RFC1: variants seen among roughly 807,000 people sequenced by gnomAD.
RFC1 encodes the protein A1 140 kDa subunit.
A neutral mutation model predicts 137.4 loss-of-function variants in RFC1; 37 were observed. The ratio of observed to expected loss-of-function variants is 0.27; its 90% CI spans 0.21 to 0.35. RFC1 has a LOEUF of 0.35. Ranked by LOEUF, RFC1 falls within the 10% of genes least tolerant of loss-of-function variation. RFC1 has a pLI of 1.00. For missense variants in RFC1, 1,205 were observed against 1,358.5 expected (o/e 0.89, Z 1.78); for synonymous variants, 429 against 455.7 (o/e 0.94, Z 0.75).
intron 1 of RFC1, among the ~76,000 whole-genome samples, chr4:39,354,568 A>G (rs1741363236): frequency 6.6e-6 from 1 of 152,110 alleles, no homozygotes; most frequent in Non-Finnish European, 1.5e-5. Context: ...GCCAGAAACC[A>G]TCCCTAAAGA....
chr4:39,292,928 A>G (rs1737769191), intron 22 of RFC1, among the ~76,000 whole-genome samples: 1 of 152,138 alleles, frequency 6.6e-6, no homozygotes, highest in Admixed American at 6.6e-5. Context: ...TACAGACGTG[A>G]GCCACCGCAC....
chr4:39,333,083 A>C (rs1385864989), intron 4 of RFC1, among the ~76,000 whole-genome samples: 1 of 152,228 alleles, frequency 6.6e-6, no homozygotes, highest in Non-Finnish European at 1.5e-5. Flanking sequence ...TAGAAAACTA[A>C]AATTCTAACC....
Position 39,289,870 on chromosome 4 carries a change from AT to A in RFC1, c.3337del (p.Ile1113Ter). On this transcript the variant is annotated frameshift_variant, in exon 24 of 25. Transcript: ENST00000349703. LOFTEE classifies it high-confidence loss of function. ...SQSDEKDQDA[I>X]ETDAMIKKKT... is the part of the protein sequence containing the mutation. ...TACCTTGATCATGGCATCAGTTTCTATAGCATCTTGGTCTTTCTCATCAGAT... is the reference window on the plus strand; with the variant it reads ...TACCTTGATCATGGCATCAGTTTCTAAGCATCTTGGTCTTTCTCATCAGAT... 1 of 1,612,412 alleles carries A rather than the reference AT, an allele frequency of 6.2e-7. No homozygotes were observed.
At position 39,366,263 on chromosome 4, in the gene RFC1, C is replaced by A; in HGVS notation, c.-22G>T. On this transcript the variant is annotated 5_prime_UTR_variant, in exon 1 of 25. Coordinates refer to ENST00000349703, the MANE Select transcript of RFC1 (RefSeq NM_002913.5). ...CCATCGCAGCCCCAGGATGAAGGCGCTGGCTGGCTGGCGGGTGGGCCGGTT... is the reference window on the plus strand; with the variant it reads ...CCATCGCAGCCCCAGGATGAAGGCGATGGCTGGCTGGCGGGTGGGCCGGTT... The A allele has an allele frequency of 6.5e-7, 1 of 1,533,228 alleles. No homozygotes were observed. Among genetic ancestry groups the A allele is most frequent in the Non-Finnish European group, 8.8e-7 (1 of 1,139,248 alleles). The allele number at this position is 1,533,228 out of a possible 1,614,324, so 95.0% of individuals were successfully genotyped here.
intron 21 of RFC1, among the ~76,000 whole-genome samples, chr4:39,296,185 A>G (rs772174081): frequency 6.6e-6 from 1 of 152,110 alleles, no homozygotes; most frequent in Admixed American, 6.6e-5. Context: ...ATTTGAGAAA[A>G]GTTTTTTAAA....
At chr4:39,326,497 C>A in intron 6 of RFC1, 66 bp downstream of exon 6, 1 of 1,321,110 alleles carries the variant, frequency 7.6e-7, no homozygotes, top group Non-Finnish European at 1.1e-6. Context: ...CAATTCAAAA[C>A]CTGGCTGGAC....
rs991205964 is a variant in RFC1 at position 39,293,052 on chromosome 4, C to G, written c.2955-1200G>C. 2.6e-5 allele frequency among the ~76,000 whole-genome samples: 4 copies of G among 152,150 alleles called. No individual in the cohort carries two copies. In the East Asian group the frequency reaches 7.7e-4, roughly 29 times the overall value. On this transcript the variant is annotated intron_variant, in intron 22 of 24. Transcript: ENST00000349703. Reference sequence around the variant, plus strand: ...GGGTCCTGCTCCTGCCTTCAAGGAACTGAATGTGTGAACCATAAGAAGCCA... The same window carrying G: ...GGGTCCTGCTCCTGCCTTCAAGGAAGTGAATGTGTGAACCATAAGAAGCCA...
At chr4:39,336,622 G>A (rs1740366653) in intron 4 of RFC1, among the ~76,000 whole-genome samples, 1 of 152,244 alleles carries the variant, frequency 6.6e-6, no homozygotes, top group Admixed American at 6.5e-5. Context: ...TGCATTGCGG[G>A]ATGCTTAGTG....
At chr4:39,309,067 T>C in intron 12 of RFC1, 35 bp from the exon 13 acceptor site, 1 of 1,552,568 alleles carries the variant, frequency 6.4e-7, no homozygotes, top group South Asian at 1.3e-5. Flanking sequence ...AAAAGAAACC[T>C]GATGAAACAT....
intron 21 of RFC1, among the ~76,000 whole-genome samples, chr4:39,299,569 C>T (rs1738230104): frequency 1.4e-5 from 2 of 142,230 alleles, no homozygotes; most frequent in African/African-American, 2.7e-5. Flanking sequence ...GCCAAGATCA[C>T]GCCACGGCAC....
intron 21 of RFC1, chr4:39,297,820 G>C (rs1738104581): frequency 6.6e-6 from 1 of 152,088 alleles, no homozygotes; most frequent in African/African-American, 2.4e-5. Flanking sequence ...TTTGCAAATA[G>C]TTTTAAAGGC....
In RFC1 at chr4:39,351,481, A is replaced by G; in HGVS notation, c.4-5T>C. On this transcript the variant is annotated splice_region_variant and splice_polypyrimidine_tract_variant and intron_variant, in intron 1 of 24. Coordinates refer to ENST00000349703, the MANE Select transcript of RFC1 (RefSeq NM_002913.5). ...TCCAAAGAATTTCCGAATGTCCTAA[A>G]AGCAAAAAACAGGAGATTCACGAAT... 9.7e-6 allele frequency: 15 copies of G among 1,540,684 alleles called. No homozygotes were observed. The highest frequency in any genetic ancestry group is 1.3e-5 in the Non-Finnish European group (15 of 1,148,612).
intron 19 of RFC1, 49 bp downstream of exon 19, chr4:39,302,229 G>C (rs578063621): frequency 8.8e-7 from 1 of 1,135,052 alleles, no homozygotes; most frequent in East Asian, 2.3e-5. Context: ...TACAGAACAA[G>C]AAGTGTTTTG....
intron 2 of RFC1, among the ~76,000 whole-genome samples, chr4:39,350,301 A>G (rs1741122936): frequency 6.6e-6 from 1 of 152,140 alleles, no homozygotes; most frequent in African/African-American, 2.4e-5. Flanking sequence ...CAAGAAGAGA[A>G]GAGAGAGAAT....
At chr4:39,356,462 T>C (rs1370858847) in intron 1 of RFC1, among the ~76,000 whole-genome samples, 1 of 152,200 alleles carries the variant, frequency 6.6e-6, no homozygotes, top group African/African-American at 2.4e-5. Context: ...CCTTCACAAC[T>C]GCACTCAGAA....
chr4:39,331,725 T>A (rs1380329897), intron 4 of RFC1, among the ~76,000 whole-genome samples: 1 of 152,248 alleles, frequency 6.6e-6, no homozygotes, highest in East Asian at 1.9e-4. Context: ...CATAACAGTA[T>A]GTTTAATGAC....
intron 12 of RFC1, among the ~76,000 whole-genome samples, chr4:39,311,118 G>C (rs1244134670): frequency 6.6e-6 from 1 of 152,230 alleles, no homozygotes; most frequent in East Asian, 1.9e-4. Context: ...TCCGACCTGA[G>C]GGACAGAGCT....
At chr4:39,365,657 C>T (rs1174793746) in intron 1 of RFC1, among the ~76,000 whole-genome samples, 2 of 152,110 alleles carry the variant, frequency 1.3e-5, no homozygotes, top group Non-Finnish European at 2.9e-5. Context: ...GCCATGTTAT[C>T]CTTTTGACTC....
intron 1 of RFC1, among the ~76,000 whole-genome samples, chr4:39,361,563 T>C (rs1371245122): frequency 6.6e-6 from 1 of 152,084 alleles, no homozygotes; most frequent in Non-Finnish European, 1.5e-5. Flanking sequence ...GGCAATAAAA[T>C]GAAATAAAAG....
Sources: gnomAD v4.1 joint callset for allele counts (sites outside exome capture counted in the v4.1 genomes callset) on GRCh38, gnomAD v4.1.1 for gene constraint, MANE v1.5 for transcripts, NCBI Gene and HGNC (gene_info 2026-07-23, HGNC 2026-07-21) for gene names.